VPS41: variants seen among roughly 807,000 people sequenced by gnomAD.
VPS41 encodes the protein VPS41 subunit of HOPS complex.
In VPS41, 85 loss-of-function variants were observed where a neutral mutation model predicts 130.9. The observed-to-expected ratio is 0.65, with a 90% CI of 0.55 to 0.78. The LOEUF (loss-of-function observed/expected upper bound fraction) is 0.78, where lower values mean the gene tolerates loss of function less well. VPS41 is among the 30% of genes least tolerant of loss of function. The pLI is 0.00. For synonymous variants in VPS41, 335 were observed against 332.9 expected (o/e 1.01, Z -0.07); for missense variants, 874 against 1,018.7 (o/e 0.86, Z 1.93).
At chr7:38,856,739 A>G (rs1395011660) in intron 4 of VPS41, among the ~76,000 whole-genome samples, 4 of 152,124 alleles carry the variant, frequency 2.6e-5, no homozygotes, top group Non-Finnish European at 2.9e-5. Context: ...TAGTAGTAAT[A>G]TAGGAGTTTA....
intron 22 of VPS41, among the ~76,000 whole-genome samples, chr7:38,749,896 T>G (rs1298304063): frequency 2.6e-5 from 4 of 152,210 alleles, no homozygotes; most frequent in Non-Finnish European, 5.9e-5. Context: ...AGAGTTTTGC[T>G]TTCTCGCCTA....
intron 6 of VPS41, among the ~76,000 whole-genome samples, chr7:38,818,902 T>G (rs1429578334): frequency 6.6e-6 from 1 of 152,202 alleles, no homozygotes; most frequent in Non-Finnish European, 1.5e-5. Context: ...TCCTACAATG[T>G]CATTTTTAAG....
chr7:38,879,839 G>C (rs778403114), intron 2 of VPS41, among the ~76,000 whole-genome samples: 2 of 150,758 alleles, frequency 1.3e-5, no homozygotes, highest in Non-Finnish European at 2.9e-5. Flanking sequence ...AAATAGGTAT[G>C]AGATGTAAGG....
At position 38,876,814 on chromosome 7, in the gene VPS41, A is replaced by G. The variant is rs558529392; in HGVS notation, c.61-7561T>C. Among the ~76,000 whole-genome samples the G allele has an allele frequency of 2.0e-5, 3 of 152,302 alleles. No individual in the cohort carries two copies. In the South Asian group the frequency reaches 6.2e-4, roughly 32 times the overall value. ...CTGTAGTATTAGAATTTCATGTTCA[A>G]TTCAAGGAGGAAAAAATAAGGTGAA... On this transcript the variant is annotated intron_variant, in intron 2 of 28. Transcript: ENST00000310301.
At chr7:38,851,186 A>C (rs1240010934) in intron 4 of VPS41, among the ~76,000 whole-genome samples, 1 of 152,206 alleles carries the variant, frequency 6.6e-6, no homozygotes, top group Non-Finnish European at 1.5e-5. Context: ...AACTCCTTCT[A>C]TATAATTAGG....
chr7:38,738,268 T>C lies in VPS41; in HGVS notation c.2259+3717A>G, dbSNP rs73370792. On this transcript the variant is annotated intron_variant, in intron 25 of 28. Coordinates refer to ENST00000310301, the MANE Select transcript of VPS41 (RefSeq NM_014396.4). Reference sequence around the variant, plus strand: ...TTACTTGTGGCTGTAAAAGGTAATGTAGTCACTGATTTAAAAAAGGCATGA... The same window carrying C: ...TTACTTGTGGCTGTAAAAGGTAATGCAGTCACTGATTTAAAAAAGGCATGA... Among the ~76,000 whole-genome samples, 792 of 152,360 alleles carry C rather than the reference T, an allele frequency of 5.2e-3. 4 individuals are homozygous for C. The highest frequency in any genetic ancestry group is 0.018 in the African/African-American group (767 of 41,594).
chr7:38,833,822 C>T (rs1034172611), intron 4 of VPS41, among the ~76,000 whole-genome samples: 14 of 151,990 alleles, frequency 9.2e-5, no homozygotes, highest in Non-Finnish European at 1.8e-4. Context: ...GCTCCTCAAC[C>T]CATTTTACCA....
intron 2 of VPS41, among the ~76,000 whole-genome samples, chr7:38,892,085 C>T (rs756461219): frequency 3.3e-5 from 5 of 151,880 alleles, no homozygotes; most frequent in Non-Finnish European, 7.4e-5. Context: ...GGTATATTTT[C>T]CTACAAGTTG....
intron 4 of VPS41, among the ~76,000 whole-genome samples, chr7:38,835,865 T>C (rs1009054150): frequency 6.6e-6 from 1 of 151,846 alleles, no homozygotes; most frequent in African/African-American, 2.4e-5. Flanking sequence ...AAGGGTACAA[T>C]GATTATACTC....
At position 38,832,090 on chromosome 7, in the gene VPS41, A is replaced by G. The variant is rs565354654; in HGVS notation, c.247-1762T>C. Among the ~76,000 whole-genome samples the G allele has an allele frequency of 2.6e-5, 4 of 152,174 alleles. No individual in the cohort carries two copies. The East Asian group carries it at 7.7e-4, about 29-fold the overall frequency. On this transcript the variant is annotated intron_variant, in intron 4 of 28. Transcript: ENST00000310301. ...TTAACCATTTTTCTTAAGTCTATTGACCAATTAATTTGATCTTCTGTAAAC... is the reference window on the plus strand; with the variant it reads ...TTAACCATTTTTCTTAAGTCTATTGGCCAATTAATTTGATCTTCTGTAAAC...
intron 9 of VPS41, among the ~76,000 whole-genome samples, chr7:38,795,053 C>T (rs1003229524): frequency 2.6e-5 from 4 of 152,074 alleles, no homozygotes; most frequent in Non-Finnish European, 5.9e-5. Flanking sequence ...TTAATTTTAA[C>T]CTTCTCTCTC....
At chr7:38,842,489 A>G (rs776397165) in intron 4 of VPS41, among the ~76,000 whole-genome samples, 5 of 152,194 alleles carry the variant, frequency 3.3e-5, no homozygotes, top group Admixed American at 2.6e-4. Flanking sequence ...ACTGCTGTCC[A>G]GGTATAATTA....
chr7:38,733,741 C>G (rs1280083344), intron 25 of VPS41, among the ~76,000 whole-genome samples: 1 of 152,102 alleles, frequency 6.6e-6, no homozygotes, highest in Admixed American at 6.5e-5. Flanking sequence ...TAAACAGCAC[C>G]ATTATTAACC....
At chr7:38,773,202 A>G (rs1178003781) in intron 12 of VPS41, among the ~76,000 whole-genome samples, 1 of 152,176 alleles carries the variant, frequency 6.6e-6, no homozygotes, top group East Asian at 1.9e-4. Flanking sequence ...TCATTTCAGC[A>G]TGTTGTGCAC....
Position 38,795,559 on chromosome 7 carries a change from CG to C in VPS41, c.622del (p.Arg208GlyfsTer4). ...ISKQRITNVP[R>X]DDISLRPDMY... ...GTCTGGGCGAAGACTTATATCATCC[CG>C]GGGCACATTGGTGATTCTTTGCTTT... On this transcript the variant is annotated frameshift_variant, in exon 9 of 29. Coordinates refer to ENST00000310301, the MANE Select transcript of VPS41 (RefSeq NM_014396.4). LOFTEE classifies it high-confidence loss of function. The C allele has an allele frequency of 6.2e-7, 1 of 1,613,228 alleles. No homozygotes were observed. The highest frequency in any genetic ancestry group is 8.5e-7 in the Non-Finnish European group (1 of 1,179,462).
intron 22 of VPS41, among the ~76,000 whole-genome samples, chr7:38,748,769 TA>T (rs1796037403): frequency 6.6e-6 from 1 of 152,028 alleles, no homozygotes; most frequent in Non-Finnish European, 1.5e-5. Context: ...ATTAACTTTT[TA>T]AACCTGAAAA....
intron 4 of VPS41, among the ~76,000 whole-genome samples, chr7:38,858,672 TA>T (rs1786036878): frequency 6.6e-6 from 1 of 152,176 alleles, no homozygotes; most frequent in South Asian, 2.1e-4. Context: ...TGCAGCCTAG[TA>T]ACAGCACAGC....
chr7:38,756,816 A>T (rs368733015), intron 19 of VPS41, 22 bp downstream of exon 19: 444 of 1,450,622 alleles, frequency 3.1e-4, no homozygotes, highest in Non-Finnish European at 3.7e-4. Context: ...AATTGACAGT[A>T]CTAAAATAAA....
chr7:38,730,021 C>T (rs1465626232), intron 25 of VPS41, among the ~76,000 whole-genome samples: 1 of 152,174 alleles, frequency 6.6e-6, no homozygotes. Flanking sequence ...CCTGTGGCTT[C>T]TCCCTTTGGG....
Sources: allele counts gnomAD v4.1 joint callset (sites outside exome capture counted in the v4.1 genomes callset), GRCh38; gene constraint gnomAD v4.1.1; transcripts MANE v1.5; gene names NCBI Gene and HGNC (gene_info 2026-07-23, HGNC 2026-07-21).